Variants in NBAS observed in about 807,000 individuals in gnomAD.
NBAS encodes NBAS subunit of NRZ tethering complex.
Under a neutral mutation model 302.5 loss-of-function variants are expected in NBAS, and 219 were observed. The observed-to-expected ratio is 0.72, with a 90% confidence interval of 0.65 to 0.81. The LOEUF (loss-of-function observed/expected upper bound fraction) is 0.81, where lower values mean the gene tolerates loss of function less well. Ranked by LOEUF, NBAS falls within the 30% of genes least tolerant of loss-of-function variation. The probability of loss-of-function intolerance (pLI) is 0.00; values close to 1 mark genes in which losing one functional copy is unlikely to be tolerated. For synonymous variants in NBAS, 1,118 were observed against 1,021.6 expected (o/e 1.09, Z -1.80); for missense variants, 2,932 against 2,841.6 (o/e 1.03, Z -0.72).
intron 48 of NBAS, among the ~76,000 whole-genome samples, chr2:15,205,445 G>T (rs992406890): frequency 6.7e-6 from 1 of 149,342 alleles, no homozygotes; most frequent in South Asian, 2.1e-4. Context: ...GACTAAATTC[G>T]CCAATCAAAA....
chr2:14,877,659 C>CA, the NBAS span, among the ~76,000 whole-genome samples: 2 of 151,856 alleles, frequency 1.3e-5, no homozygotes, highest in African/African-American at 2.4e-5. Context: ...TGCATTCGCT[C>CA]AAATATCATC....
At chr2:15,235,483 A>G (rs530086850) in intron 45 of NBAS, among the ~76,000 whole-genome samples, 1 of 152,334 alleles carries the variant, frequency 6.6e-6, no homozygotes, top group East Asian at 1.9e-4. Flanking sequence ...AATGATAATA[A>G]CAGTTTCCAG....
the NBAS span, among the ~76,000 whole-genome samples, chr2:15,001,639 G>A: frequency 6.6e-6 from 1 of 152,120 alleles, no homozygotes; most frequent in African/African-American, 2.4e-5. Context: ...TCCAGAATTT[G>A]TGGGTTCTTG....
At chr2:14,983,700 AG>A in the NBAS span, among the ~76,000 whole-genome samples, 1 of 152,252 alleles carries the variant, frequency 6.6e-6, no homozygotes, top group Non-Finnish European at 1.5e-5. Flanking sequence ...TACATAGAGA[AG>A]GTGTTTGCTG....
At chr2:14,941,118 TAGTA>T in the NBAS span, among the ~76,000 whole-genome samples, 2 of 152,346 alleles carry the variant, frequency 1.3e-5, no homozygotes, top group East Asian at 3.9e-4. Context: ...ATTTGTTATG[TAGTA>T]AGTGTCTGAC....
the NBAS span, among the ~76,000 whole-genome samples, chr2:15,054,738 C>T: frequency 9.8e-5 from 15 of 152,306 alleles, no homozygotes; most frequent in Non-Finnish European, 2.1e-4. Flanking sequence ...CACATGCTCT[C>T]CTCTTTGGAA....
the NBAS span, among the ~76,000 whole-genome samples, chr2:14,891,783 G>C: frequency 6.6e-6 from 1 of 152,162 alleles, no homozygotes; most frequent in African/African-American, 2.4e-5. Context: ...GAAGGCCTGG[G>C]ACACTACAGC....
chr2:15,217,129 C>T (rs1228172623), intron 48 of NBAS, among the ~76,000 whole-genome samples: 1 of 152,228 alleles, frequency 6.6e-6, no homozygotes, highest in Non-Finnish European at 1.5e-5. Flanking sequence ...CTTCGTGTCC[C>T]TAGCCTGCTC....
At chr2:14,871,809 A>G in the NBAS span, among the ~76,000 whole-genome samples, 1 of 152,150 alleles carries the variant, frequency 6.6e-6, no homozygotes, top group Non-Finnish European at 1.5e-5. Flanking sequence ...AAAAGACAGC[A>G]GGTAAGAGGC....
At chr2:15,425,704 C>T (rs545948450) in intron 22 of NBAS, among the ~76,000 whole-genome samples, 3 of 152,288 alleles carry the variant, frequency 2.0e-5, no homozygotes, top group Admixed American at 1.3e-4. Context: ...TCTGCCCACA[C>T]GAAGCACATC....
In NBAS at chr2:15,400,238, G is replaced by GA. The variant is rs553490069; in HGVS notation, c.3071+1929dup. 9.1e-3 allele frequency among the ~76,000 whole-genome samples: 1,229 copies of GA among 135,010 alleles called. 17 individuals carry two copies. Among genetic ancestry groups the GA allele is most frequent in the African/African-American group, 0.03 (1,092 of 36,996 alleles). The allele number at this position is 135,010 out of a possible 152,430, so 88.6% of individuals were successfully genotyped here. A position where few individuals can be genotyped will look rare whatever the true frequency, so the allele number is the denominator to read the frequency against. ...AGAGAGCGAGAAAAGAAGAGACAGA[G>GA]AAAAAAAAAAACATGAAAGGAATAG... On this transcript the variant is annotated intron_variant, in intron 26 of 51. Coordinates refer to ENST00000281513, the MANE Select transcript of NBAS (RefSeq NM_015909.4).
the NBAS span, among the ~76,000 whole-genome samples, chr2:14,962,947 A>G: frequency 6.6e-6 from 1 of 152,064 alleles, no homozygotes; most frequent in African/African-American, 2.4e-5. Context: ...AAAGGAGAAA[A>G]AAAAAAACAA....
chr2:14,793,068 T>TTCTCTC, the NBAS span, among the ~76,000 whole-genome samples: 36 of 147,416 alleles, frequency 2.4e-4, no homozygotes, highest in African/African-American at 7.5e-4. Flanking sequence ...CTGTCTCTGT[T>TTCTCTC]TCTCTCTCTC....
the NBAS span, among the ~76,000 whole-genome samples, chr2:15,037,023 T>C: frequency 2.6e-5 from 4 of 152,122 alleles, no homozygotes; most frequent in South Asian, 2.1e-4. Flanking sequence ...GGATGCACAA[T>C]GAATAGATTT....
At chr2:14,987,989 C>T in the NBAS span, among the ~76,000 whole-genome samples, 1 of 152,104 alleles carries the variant, frequency 6.6e-6, no homozygotes, top group Non-Finnish European at 1.5e-5. Context: ...ATTTTCTGTT[C>T]CCATTAGAAT....
chr2:14,848,543 G>C, the NBAS span, among the ~76,000 whole-genome samples: 1 of 128,244 alleles, frequency 7.8e-6, no homozygotes, highest in African/African-American at 3.7e-5. Flanking sequence ...TAAACAAAGC[G>C]GCCAGGAAGC....
At chr2:14,793,455 T>C in the NBAS span, among the ~76,000 whole-genome samples, 1 of 151,878 alleles carries the variant, frequency 6.6e-6, no homozygotes, top group Non-Finnish European at 1.5e-5. Flanking sequence ...GATGACAGAG[T>C]ATGATAGATT....
chr2:15,339,108 A>G (rs1301756237), intron 35 of NBAS, among the ~76,000 whole-genome samples: 1 of 152,172 alleles, frequency 6.6e-6, no homozygotes, highest in Non-Finnish European at 1.5e-5. Flanking sequence ...TTAGATCCAG[A>G]TTATGAAACC....
At chr2:14,794,738 A>C in the NBAS span, among the ~76,000 whole-genome samples, 1 of 152,164 alleles carries the variant, frequency 6.6e-6, no homozygotes, top group Middle Eastern at 3.2e-3. Context: ...TCATGCCCCA[A>C]TGTAATCTTT....
Sources: allele counts gnomAD v4.1 joint callset (sites outside exome capture counted in the v4.1 genomes callset), GRCh38; gene constraint gnomAD v4.1.1; transcripts MANE v1.5; gene names NCBI Gene and HGNC (gene_info 2026-07-23, HGNC 2026-07-21).